FBXO16: variants seen among roughly 807,000 people sequenced by gnomAD.
The protein encoded by FBXO16 is F-box only protein 16.
Under a neutral mutation model 41.0 loss-of-function variants are expected in FBXO16, and 31 were observed. The observed-to-expected ratio is 0.76, with a 90% CI of 0.57 to 1.02. FBXO16 has a LOEUF of 1.02. FBXO16 is among the 50% of genes least tolerant of loss of function. FBXO16 has a pLI of 0.00. For synonymous variants in FBXO16, 133 were observed against 117.8 expected, an observed-to-expected ratio of 1.13 and a Z score of -0.84; for missense variants, 361 against 346.2, an observed-to-expected ratio of 1.04 and a Z score of -0.34.
chr8:28,467,339 C>A (rs1360864333), intron 3 of FBXO16, among the ~76,000 whole-genome samples: 1 of 152,098 alleles, frequency 6.6e-6, no homozygotes, highest in Non-Finnish European at 1.5e-5. Context: ...AGGAATAAGA[C>A]AATTTGATGT....
chr8:28,463,390 GTGTT>G (rs1188086507), intron 4 of FBXO16, among the ~76,000 whole-genome samples: 1 of 85,720 alleles, frequency 1.2e-5, no homozygotes, highest in African/African-American at 3.5e-5. Context: ...TTGTGTGTTT[GTGTT>G]TGTATGTATT....
chr8:28,441,906 ATATATGTGTGTGTGTG>A (rs1299939486), intron 7 of FBXO16, among the ~76,000 whole-genome samples: 6,137 of 139,360 alleles, frequency 0.044, 458 homozygotes, highest in African/African-American at 0.15. Flanking sequence ...CAGTGTATAT[ATATATGTGTGTGTGTG>A]TGTGTGTGTG....
At chr8:28,489,400 T>C (rs1803652987) in intron 1 of FBXO16, among the ~76,000 whole-genome samples, 1 of 150,924 alleles carries the variant, frequency 6.6e-6, no homozygotes. Context: ...GTTGACCAAG[T>C]GTGGTGGCTC....
At chr8:28,478,528 C>T (rs1803457800) in intron 2 of FBXO16, among the ~76,000 whole-genome samples, 1 of 152,110 alleles carries the variant, frequency 6.6e-6, no homozygotes. Flanking sequence ...AATCTCATAT[C>T]AAATTGTAAT....
chr8:28,476,391 T>C (rs1803423573), intron 2 of FBXO16, among the ~76,000 whole-genome samples: 1 of 152,196 alleles, frequency 6.6e-6, no homozygotes, highest in East Asian at 1.9e-4. Context: ...TGGTTCTGAC[T>C]CTACCCTTGA....
intron 2 of FBXO16, among the ~76,000 whole-genome samples, chr8:28,480,949 C>T (rs750560263): frequency 6.6e-6 from 1 of 152,092 alleles, no homozygotes; most frequent in African/African-American, 2.4e-5. Flanking sequence ...AAGCAGGACA[C>T]GGGGAGGCTT....
At chr8:28,453,475 A>C (rs1430007399) in intron 5 of FBXO16, among the ~76,000 whole-genome samples, 1 of 151,992 alleles carries the variant, frequency 6.6e-6, no homozygotes, top group Non-Finnish European at 1.5e-5. Flanking sequence ...CTTTGCTTTA[A>C]TCTCCAAAAC....
Position 28,433,956 on chromosome 8 carries a change from A to ATTTTTTTT in FBXO16, c.844-4561_844-4554dup, listed in dbSNP as rs773888558. On this transcript the variant is annotated intron_variant, in intron 7 of 8. Transcript: ENST00000380254. ...ACAGACCTGTGTTTTTCACTCCCTGATTTTTTTTTTTTTTTTTTTTTTGAG... is the reference window on the plus strand; with the variant it reads ...ACAGACCTGTGTTTTTCACTCCCTGATTTTTTTTTTTTTTTTTTTTTTTTTTTTTTGAG... Among the ~76,000 whole-genome samples, 634 of 118,254 alleles carry ATTTTTTTT rather than the reference A, an allele frequency of 5.4e-3. 35 individuals carry two copies. Among genetic ancestry groups the ATTTTTTTT allele is most frequent in the African/African-American group, 0.022 (605 of 28,116 alleles). The allele number at this position is 118,254 out of a possible 152,430, so 77.6% of individuals were successfully genotyped here. A position where few individuals can be genotyped will look rare whatever the true frequency, so the allele number is the denominator to read the frequency against.
At position 28,429,392 on chromosome 8, in the gene FBXO16, T is replaced by C; in HGVS notation, c.855A>G (p.Arg285=). The C allele has an allele frequency of 6.2e-7, 1 of 1,613,922 alleles. No individual in the cohort carries two copies. The highest frequency in any genetic ancestry group is 1.6e-4 in the Middle Eastern group (1 of 6,062). Residue 285 remains arginine (R), a synonymous_variant, in exon 8 of 9, where the codon AGA becomes AGG. Coordinates refer to ENST00000380254, the MANE Select transcript of FBXO16 (RefSeq NM_172366.4). ...LRKAQSMMSR[R]NPFPLCP The stretch of plus-strand genomic sequence containing the variant: ...CCGAAACTCACAGTGGGAAGGGATT[T>C]CTCCTCGACATCTGGCCGCGAGCAG...
At chr8:28,466,232 A>C (rs1195858387) in intron 3 of FBXO16, among the ~76,000 whole-genome samples, 3 of 142,856 alleles carry the variant, frequency 2.1e-5, no homozygotes, top group Admixed American at 2.0e-4. Flanking sequence ...TCCATCTGAA[A>C]AAACAAAACA....
rs539736588 is a variant in FBXO16 at position 28,447,049 on chromosome 8, G to A, written c.843+122C>T. The A allele has an allele frequency of 1.4e-4, 119 of 865,884 alleles. No homozygotes were observed. The African/African-American group carries it at 1.7e-3, about 12-fold the overall frequency. The allele number at this position is 865,884 out of a possible 1,614,324, so 53.6% of individuals were successfully genotyped here. On this transcript the variant is annotated intron_variant, in intron 7 of 8. Coordinates refer to ENST00000380254, the MANE Select transcript of FBXO16 (RefSeq NM_172366.4). ...CTCTGCCAGTCAGTGTCAGAAACCC[G>A]AATTTAAATCACCACTCCATGATTC...
intron 2 of FBXO16, among the ~76,000 whole-genome samples, chr8:28,481,670 T>G (rs1803515039): frequency 6.6e-6 from 1 of 151,688 alleles, no homozygotes; most frequent in South Asian, 2.1e-4. Flanking sequence ...ATCAGCTGGG[T>G]GTGGTAGTGT....
At chr8:28,460,888 C>T (rs1368226982) in intron 4 of FBXO16, among the ~76,000 whole-genome samples, 1 of 152,092 alleles carries the variant, frequency 6.6e-6, no homozygotes, top group Non-Finnish European at 1.5e-5. Context: ...GCACGTGCCA[C>T]CACACCTGGC....
At chr8:28,451,280 G>C (rs892899413) in intron 6 of FBXO16, among the ~76,000 whole-genome samples, 1 of 152,056 alleles carries the variant, frequency 6.6e-6, no homozygotes, top group Non-Finnish European at 1.5e-5. Context: ...GATGTTTTTA[G>C]GTTTGAAAGA....
At chr8:28,450,394 G>A (rs11993007) in intron 6 of FBXO16, among the ~76,000 whole-genome samples, 67,135 of 151,962 alleles carry the variant, frequency 0.44, 15,925 homozygotes, top group African/African-American at 0.61. Flanking sequence ...GAAAATTGCC[G>A]TGACATTGGA....
chr8:28,452,576 G>A (rs993847120), intron 5 of FBXO16, 100 bp from the exon 6 acceptor site: 25 of 1,104,752 alleles, frequency 2.3e-5, no homozygotes, highest in African/African-American at 3.2e-5. Context: ...CAAGGCAGGC[G>A]GATCACCTGA....
chr8:28,440,229 AGT>A (rs1342314419), intron 7 of FBXO16, among the ~76,000 whole-genome samples: 1 of 151,966 alleles, frequency 6.6e-6, no homozygotes, highest in African/African-American at 2.4e-5. Flanking sequence ...CAGCCTTCCA[AGT>A]GGCTGGGACT....
chr8:28,460,445 T>TTTTTTG (rs371229894), intron 4 of FBXO16, among the ~76,000 whole-genome samples: 2,216 of 135,532 alleles, frequency 0.016, 155 homozygotes, highest in African/African-American at 0.066. Context: ...TTTTTTTTTT[T>TTTTTTG]GAGACAGCGT....
intron 7 of FBXO16, among the ~76,000 whole-genome samples, chr8:28,433,908 A>G (rs1052627904): frequency 2.0e-5 from 3 of 151,602 alleles, no homozygotes; most frequent in Non-Finnish European, 4.4e-5. Context: ...AAACAGGAAC[A>G]GCCTGTATAT....
Sources: gnomAD v4.1 joint callset for allele counts (sites outside exome capture counted in the v4.1 genomes callset) on GRCh38, gnomAD v4.1.1 for gene constraint, MANE v1.5 for transcripts, NCBI Gene and HGNC (gene_info 2026-07-23, HGNC 2026-07-21) for gene names.